The following TMCC3 variants were observed in gnomAD, a reference collection of about 807,000 sequenced individuals.
TMCC3 encodes the protein transmembrane and coiled-coil domain family 3.
Under a neutral mutation model 40.2 loss-of-function variants are expected in TMCC3, and 28 were observed. That is an observed-to-expected ratio of 0.70 (90% confidence interval 0.52 to 0.95). The LOEUF is 0.95. Among genes scored for constraint, TMCC3 ranks in the 40% least tolerant of loss-of-function variants. The probability of loss-of-function intolerance (pLI) is 0.00; values close to 1 mark genes in which losing one functional copy is unlikely to be tolerated. For missense variants in TMCC3, 554 were observed against 615.2 expected (o/e 0.90, Z 1.05); for synonymous variants, 255 against 248.5 (o/e 1.03, Z -0.25).
rs777294067 is a variant in TMCC3 at position 94,582,205 on chromosome 12, G to A, written c.412C>T (p.Arg138Ter). 2 of 1,614,118 alleles carry A rather than the reference G, an allele frequency of 1.2e-6. No individual in the cohort carries two copies. Among genetic ancestry groups the A allele is most frequent in the Non-Finnish European group, 1.7e-6 (2 of 1,180,032 alleles). The change falls in exon 2 of 4, where the codon CGA becomes TGA. Residue 138 changes from arginine to a stop codon, truncating the protein, a stop_gained. Coordinates refer to ENST00000261226, the MANE Select transcript of TMCC3 (RefSeq NM_020698.4). LOFTEE classifies it high-confidence loss of function. ...TTCTGCTCGATCTCTCTGAGCTTTC[G>A]ATGATACTGCTCTAACTTCTTCTGC... ...QLQKKLEQYHRKLREIEQNGA... is the reference protein window; with the variant it reads ...QLQKKLEQYH
chr12:94,581,505 C>T (rs2068600744), intron 2 of TMCC3, 117 bp downstream of exon 2: 2 of 591,208 alleles, frequency 3.4e-6, no homozygotes, highest in Admixed American at 4.4e-5. Flanking sequence ...CTATCACGTA[C>T]CCACTAAGTA....
chr12:94,646,816 C>G (rs1346209075), intron 1 of TMCC3, among the ~76,000 whole-genome samples: 5 of 149,920 alleles, frequency 3.3e-5, no homozygotes, highest in African/African-American at 1.2e-4. Flanking sequence ...AGTATTACCT[C>G]TTTTACAGAT....
intron 1 of TMCC3, 134 bp downstream of exon 1, chr12:94,650,219 G>T: frequency 2.4e-6 from 1 of 420,102 alleles, no homozygotes; most frequent in Non-Finnish European, 3.6e-6. Context: ...GATCGGGGAG[G>T]CACGGACCTC....
rs940116153 is a variant in TMCC3, at chr12:94,630,660, G to C, written c.78+19693C>G. 7.9e-5 allele frequency among the ~76,000 whole-genome samples: 12 copies of C among 152,270 alleles called. No homozygotes were observed. The East Asian group carries it at 2.3e-3, about 29-fold the overall frequency. On this transcript the variant is annotated intron_variant, in intron 1 of 3. Coordinates refer to ENST00000261226, the MANE Select transcript of TMCC3 (RefSeq NM_020698.4). Reference sequence around the variant, plus strand: ...TGCTAGCTTCATTAATATTCTACTTGTATGTGGCACTTTTTAAACAAAAAT... The same window carrying C: ...TGCTAGCTTCATTAATATTCTACTTCTATGTGGCACTTTTTAAACAAAAAT...
intron 1 of TMCC3, chr12:94,615,974 C>G (rs2068845723): frequency 1.8e-5 from 18 of 985,442 alleles, no homozygotes; most frequent in Non-Finnish European, 2.0e-5. Context: ...AGCTAGCTCA[C>G]CCTCCTGCCC....
intron 1 of TMCC3, among the ~76,000 whole-genome samples, chr12:94,630,885 C>A (rs1288170521): frequency 3.9e-5 from 6 of 152,068 alleles, no homozygotes; most frequent in African/African-American, 1.2e-4. Flanking sequence ...CCCGCCATCA[C>A]ACCCAGCTAA....
chr12:94,578,512 T>C lies in TMCC3; in HGVS notation c.1013A>G (p.Asp338Gly), dbSNP rs754807254. 9.3e-6 allele frequency: 15 copies of C among 1,614,010 alleles called. No individual in the cohort carries two copies. Among genetic ancestry groups the C allele is most frequent in the Non-Finnish European group, 1.3e-5 (15 of 1,179,942 alleles). ...CAGGTCCGTCAGGTCATGCAGCTGG[T>C]CCTCCAGTCGCTCATACCTTTAAAA... ...EERYRYERLEDQLHDLTDLHQ... is the reference protein window; with the variant it reads ...EERYRYERLEGQLHDLTDLHQ... The change falls in exon 3 of 4, where the codon GAC becomes GGC. Residue 338 changes from aspartate to glycine, a missense_variant. By Grantham distance (94) the Asp-to-Gly change is moderately conservative. Coordinates refer to ENST00000261226, the MANE Select transcript of TMCC3 (RefSeq NM_020698.4).
chr12:94,612,257 T>C (rs1469931826), intron 1 of TMCC3, among the ~76,000 whole-genome samples: 2 of 151,590 alleles, frequency 1.3e-5, no homozygotes, highest in Non-Finnish European at 2.9e-5. Context: ...TGCCTTGGCC[T>C]CCTAAAGCTG....
At chr12:94,595,727 G>A (rs1042272645) in intron 1 of TMCC3, among the ~76,000 whole-genome samples, 8 of 152,020 alleles carry the variant, frequency 5.3e-5, no homozygotes, top group African/African-American at 9.7e-5. Context: ...TCATTTCTTC[G>A]CCTTTTGCAA....
Position 94,582,324 on chromosome 12 carries a change from T to C in TMCC3, c.293A>G (p.Lys98Arg), listed in dbSNP as rs1381491097. 2 of 1,613,874 alleles carry C rather than the reference T, an allele frequency of 1.2e-6. No individual in the cohort carries two copies. Among genetic ancestry groups the C allele is most frequent in the East Asian group, 2.2e-5 (1 of 44,864 alleles). Residue 98 changes from lysine (K) to arginine (R), a missense_variant, in exon 2 of 4, where the codon AAA (lysine) becomes AGA (arginine). By Grantham distance (26) the Lys-to-Arg change is conservative. Coordinates refer to ENST00000261226, the MANE Select transcript of TMCC3 (RefSeq NM_020698.4). The stretch of plus-strand genomic sequence containing the variant: ...CTGCTTGTCTGCGTTGTTCACTAGT[T>C]TCAGATACTCCGCAACATTCCCATC... The part of the protein sequence containing the change: ...SRDGNVAEYL[K>R]LVNNADKQQA...
intron 3 of TMCC3, among the ~76,000 whole-genome samples, chr12:94,575,711 C>G (rs969261977): frequency 1.3e-5 from 2 of 152,112 alleles, no homozygotes; most frequent in East Asian, 3.8e-4. Context: ...ATAAGAAAAC[C>G]ATGCATTCAG....
chr12:94,627,055 T>C (rs1429490226), intron 1 of TMCC3, among the ~76,000 whole-genome samples: 1 of 151,824 alleles, frequency 6.6e-6, no homozygotes, highest in East Asian at 1.9e-4. Flanking sequence ...GAGATGGGGG[T>C]TTCACCATGT....
At chr12:94,650,300 G>C in intron 1 of TMCC3, 53 bp downstream of exon 1, 2 of 1,140,346 alleles carry the variant, frequency 1.8e-6, no homozygotes, top group Non-Finnish European at 2.2e-6. Flanking sequence ...GCCCCAGCCC[G>C]CCTCGCCCCC....
At chr12:94,649,894 G>A (rs2069044272) in intron 1 of TMCC3, among the ~76,000 whole-genome samples, 1 of 151,718 alleles carries the variant, frequency 6.6e-6, no homozygotes, top group Non-Finnish European at 1.5e-5. Flanking sequence ...ACCGCGCTCG[G>A]GTTCCGGCCA....
At chr12:94,577,165 C>T (rs145439665) in intron 3 of TMCC3, among the ~76,000 whole-genome samples, 20 of 152,246 alleles carry the variant, frequency 1.3e-4, no homozygotes, top group Non-Finnish European at 2.6e-4. Context: ...CTTACAAATA[C>T]GAATGCTATT....
At chr12:94,649,080 A>G (rs1343694337) in intron 1 of TMCC3, among the ~76,000 whole-genome samples, 1 of 152,234 alleles carries the variant, frequency 6.6e-6, no homozygotes, top group African/African-American at 2.4e-5. Context: ...CAAAAACAAG[A>G]GAATTGTAAG....
intron 1 of TMCC3, among the ~76,000 whole-genome samples, chr12:94,604,520 A>G (rs1029707442): frequency 1.3e-5 from 2 of 151,834 alleles, no homozygotes; most frequent in Non-Finnish European, 2.9e-5. Flanking sequence ...AAAAAATGTA[A>G]CAAGGCCAGG....
At position 94,597,152 on chromosome 12, in the gene TMCC3, TATATATGTATATAA is replaced by T. The variant is rs1160352389; in HGVS notation, c.79-14628_79-14615del. 2.7e-3 allele frequency among the ~76,000 whole-genome samples: 39 copies of T among 14,262 alleles called. 2 individuals carry two copies. Among genetic ancestry groups the T allele is most frequent in the South Asian group, 0.011 (5 of 456 alleles). The allele number at this position is 14,262 out of a possible 152,430, so 9.4% of individuals were successfully genotyped here. Reference sequence around the variant, plus strand: ...ATATATATATATATATATATATATATATATATGTATATAAATTAGCCAGGCCTGCTGGCGTGCCT... The same window carrying T: ...ATATATATATATATATATATATATATATTAGCCAGGCCTGCTGGCGTGCCT... On this transcript the variant is annotated intron_variant, in intron 1 of 3. Transcript: ENST00000261226.
chr12:94,605,248 G>A (rs943484595), intron 1 of TMCC3, among the ~76,000 whole-genome samples: 5 of 152,212 alleles, frequency 3.3e-5, no homozygotes, highest in South Asian at 2.1e-4. Flanking sequence ...AATAAAATAC[G>A]GAGACATAGA....
Sources: allele counts gnomAD v4.1 joint callset (sites outside exome capture counted in the v4.1 genomes callset), GRCh38; gene constraint gnomAD v4.1.1; transcripts MANE v1.5; gene names NCBI Gene and HGNC (gene_info 2026-07-23, HGNC 2026-07-21).